Variants in ADAMTSL1 observed in about 807,000 individuals in gnomAD.
The protein encoded by ADAMTSL1 is ADAMTS like 1.
In ADAMTSL1, 126 loss-of-function variants were observed where a neutral mutation model predicts 201.8. That is an observed-to-expected ratio of 0.62 (90% CI 0.54 to 0.72). The LOEUF (loss-of-function observed/expected upper bound fraction) is 0.72. Ranked by LOEUF, ADAMTSL1 falls within the 30% of genes least tolerant of loss-of-function variation. The probability of loss-of-function intolerance (pLI) is 0.00; values close to 1 mark genes in which losing one functional copy is unlikely to be tolerated. For synonymous variants in ADAMTSL1, 1,121 were observed against 903.4 expected (o/e 1.24, Z -4.32); for missense variants, 2,679 against 2,277.8 (o/e 1.18, Z -3.59).
At chr9:18,661,082 C>T (rs894519349) in intron 8 of ADAMTSL1, among the ~76,000 whole-genome samples, 8 of 152,074 alleles carry the variant, frequency 5.3e-5, no homozygotes, top group Non-Finnish European at 8.8e-5. Flanking sequence ...TTATTTTTCA[C>T]CCCGAGAATC....
intron 23 of ADAMTSL1, among the ~76,000 whole-genome samples, chr9:18,848,468 C>G (rs1001453069): frequency 6.6e-6 from 1 of 152,210 alleles, no homozygotes; most frequent in African/African-American, 2.4e-5. Context: ...CTATTTCTCT[C>G]TCAGGTAATT....
chr9:18,565,133 G>A (rs1443978634), intron 3 of ADAMTSL1, among the ~76,000 whole-genome samples: 1 of 152,168 alleles, frequency 6.6e-6, no homozygotes, highest in South Asian at 2.1e-4. Context: ...CAAGGAAGGT[G>A]GGATTGATGA....
intron 2 of ADAMTSL1, among the ~76,000 whole-genome samples, chr9:18,389,209 CAG>C (rs1837942464): frequency 1.3e-5 from 2 of 148,886 alleles, no homozygotes; most frequent in Non-Finnish European, 3.0e-5. Context: ...AGAAATTGAA[CAG>C]AGTTTCAGAT....
At chr9:18,093,493 ATTCAT>A (rs1311707917) in intron 1 of ADAMTSL1, among the ~76,000 whole-genome samples, 1 of 152,220 alleles carries the variant, frequency 6.6e-6, no homozygotes, top group Non-Finnish European at 1.5e-5. Flanking sequence ...CTCAAAATTA[ATTCAT>A]TTCAACTATT....
intron 1 of ADAMTSL1, among the ~76,000 whole-genome samples, chr9:18,133,112 C>T (rs73422963): frequency 0.017 from 2,533 of 152,128 alleles, 42 homozygotes; most frequent in African/African-American, 0.044. Flanking sequence ...GACTCTCCTC[C>T]GGAATTAAGG....
chr9:18,674,925 A>G (rs1394259496), intron 9 of ADAMTSL1, among the ~76,000 whole-genome samples: 1 of 152,152 alleles, frequency 6.6e-6, no homozygotes, highest in Non-Finnish European at 1.5e-5. Context: ...CACAAACCAG[A>G]AAACAAGGCC....
In ADAMTSL1 at chr9:18,105,621, A is replaced by T. The variant is rs149774289; in HGVS notation, c.88-58241A>T. 2.4e-3 allele frequency among the ~76,000 whole-genome samples: 362 copies of T among 152,306 alleles called. 1 individual carries two copies. The highest frequency in any genetic ancestry group is 3.9e-3 in the Non-Finnish European group (267 of 68,030). ...ACATAGCAACAAGAATGCAGAAAGT[A>T]AACTAGCCCCACAAAGAGTGCTTTG... On this transcript the variant is annotated intron_variant, in intron 1 of 29. Transcript: ENST00000680146.
At chr9:18,341,697 A>G (rs962144511) in intron 2 of ADAMTSL1, among the ~76,000 whole-genome samples, 1 of 152,154 alleles carries the variant, frequency 6.6e-6, no homozygotes, top group Non-Finnish European at 1.5e-5. Context: ...AGTCAGTAAA[A>G]CTTGTCATCT....
intron 15 of ADAMTSL1, among the ~76,000 whole-genome samples, chr9:18,735,276 A>C (rs1405434627): frequency 6.6e-6 from 1 of 152,226 alleles, no homozygotes; most frequent in African/African-American, 2.4e-5. Context: ...CTCAGCAGTA[A>C]ACTCAAGAAC....
intron 2 of ADAMTSL1, among the ~76,000 whole-genome samples, chr9:18,520,682 C>T (rs1486850841): frequency 6.6e-6 from 1 of 152,208 alleles, no homozygotes; most frequent in Non-Finnish European, 1.5e-5. Flanking sequence ...TGTTCCCAGC[C>T]AGCTCACCTA....
At chr9:18,289,170 T>TATCTATCTATC (rs763390848) in intron 2 of ADAMTSL1, among the ~76,000 whole-genome samples, 3,816 of 122,072 alleles carry the variant, frequency 0.031, 175 homozygotes, top group African/African-American at 0.099. Flanking sequence ...TCTATCTATC[T>TATCTATCTATC]ATCTACCTAC....
chr9:18,437,775 A>T (rs1358481496), intron 2 of ADAMTSL1, among the ~76,000 whole-genome samples: 1 of 152,160 alleles, frequency 6.6e-6, no homozygotes, highest in African/African-American at 2.4e-5. Context: ...TATTAACCCC[A>T]GGAGATCACA....
rs561857387 is a variant in ADAMTSL1 at position 18,314,464 on chromosome 9, C to T, written c.207+150483C>T. ...CTGACTTCAGGAGTGATGCTGCATA[C>T]TTTCGCGGTGAGTGTTACAGCTCTT... On this transcript the variant is annotated intron_variant, in intron 2 of 29. Transcript: ENST00000680146. Among the ~76,000 whole-genome samples the T allele has an allele frequency of 3.9e-5, 6 of 152,108 alleles. No homozygotes were observed. In the South Asian group the frequency reaches 1.3e-3, roughly 32 times the overall value.
intron 1 of ADAMTSL1, among the ~76,000 whole-genome samples, chr9:17,968,234 T>C (rs564948233): frequency 8.5e-5 from 13 of 152,216 alleles, no homozygotes; most frequent in African/African-American, 3.1e-4. Flanking sequence ...ATTTATTCTA[T>C]ACCTCCAGGA....
intron 2 of ADAMTSL1, among the ~76,000 whole-genome samples, chr9:18,193,066 G>T (rs1208528453): frequency 6.6e-6 from 1 of 152,128 alleles, no homozygotes; most frequent in Non-Finnish European, 1.5e-5. Context: ...CAATGTATTA[G>T]ATCTAGATTT....
chr9:18,225,007 G>T (rs1325962009), intron 2 of ADAMTSL1, among the ~76,000 whole-genome samples: 1 of 151,786 alleles, frequency 6.6e-6, no homozygotes, highest in South Asian at 2.1e-4. Context: ...TCTTTTTAAG[G>T]TATATAAAAC....
intron 1 of ADAMTSL1, among the ~76,000 whole-genome samples, chr9:18,020,578 A>G (rs1224208797): frequency 6.6e-6 from 1 of 152,078 alleles, no homozygotes; most frequent in Non-Finnish European, 1.5e-5. Flanking sequence ...ATCAGCTCTT[A>G]TGAGAACTCA....
intron 19 of ADAMTSL1, among the ~76,000 whole-genome samples, chr9:18,784,327 G>A (rs947121362): frequency 2.6e-5 from 4 of 152,184 alleles, no homozygotes; most frequent in Admixed American, 6.5e-5. Context: ...ATTTAAGAAT[G>A]TGTCTTATTT....
intron 23 of ADAMTSL1, among the ~76,000 whole-genome samples, chr9:18,877,665 T>A (rs754260384): frequency 5.3e-5 from 8 of 152,110 alleles, no homozygotes; most frequent in Non-Finnish European, 4.4e-5. Flanking sequence ...GTGAGGGTCC[T>A]TGGTTGTAGT....
Sources: gnomAD v4.1 joint callset for allele counts (sites outside exome capture counted in the v4.1 genomes callset) on GRCh38, gnomAD v4.1.1 for gene constraint, MANE v1.5 for transcripts, NCBI Gene and HGNC (gene_info 2026-07-23, HGNC 2026-07-21) for gene names.